Variants in TANC1 observed in about 807,000 individuals in gnomAD.
TANC1 encodes the protein tetratricopeptide repeat, ankyrin repeat and coiled-coil containing 1, also known as protein TANC1.
In TANC1, 77 loss-of-function variants were observed where a neutral mutation model predicts 149.7. The ratio of observed to expected loss-of-function variants is 0.51; its 90% confidence interval spans 0.43 to 0.62. The LOEUF is 0.62. Among genes scored for constraint, TANC1 ranks in the 20% least tolerant of loss-of-function variants. The pLI, the probability that TANC1 is intolerant of heterozygous loss-of-function variation, is 0.00. For synonymous variants in TANC1, 854 were observed against 925.0 expected (o/e 0.92, Z 1.39); for missense variants, 1,985 against 2,321.8 (o/e 0.85, Z 2.98).
At chr2:159,006,101 C>T (rs1326903571) in intron 2 of TANC1, among the ~76,000 whole-genome samples, 2 of 151,834 alleles carry the variant, frequency 1.3e-5, no homozygotes, top group African/African-American at 2.4e-5. Context: ...TCGAGACTGG[C>T]CCTGGCTAAC....
At chr2:159,108,440 G>T (rs201529399) in intron 4 of TANC1, among the ~76,000 whole-genome samples, 1 of 152,196 alleles carries the variant, frequency 6.6e-6, no homozygotes, top group South Asian at 2.1e-4. Context: ...TCAGATGGCG[G>T]CTGGAACAAA....
rs929301397 is a variant in TANC1, at chr2:159,019,675, T to C, written c.-16+18486T>C. ...TCTGTTTTTTTTTTTTTTTTTTTTT[T>C]TTTTTTTTTTTGAGGCAGAGTCTTG... On this transcript the variant is annotated intron_variant, in intron 2 of 26. Transcript: ENST00000263635. 9.7e-5 allele frequency among the ~76,000 whole-genome samples: 9 copies of C among 93,106 alleles called. 1 individual carries two copies. Among genetic ancestry groups the C allele is most frequent in the African/African-American group, 2.5e-4 (7 of 27,718 alleles). 61.1% of individuals were successfully genotyped at this position (93,106 alleles called of 152,430 possible). A position where few individuals can be genotyped will look rare whatever the true frequency, so the allele number is the denominator to read the frequency against.
chr2:159,184,907 C>T (rs537179079), intron 14 of TANC1, among the ~76,000 whole-genome samples: 6 of 152,134 alleles, frequency 3.9e-5, no homozygotes, highest in Non-Finnish European at 5.9e-5. Context: ...ATCTCTAACA[C>T]GGTTTATAAC....
At chr2:159,072,883 C>G (rs2043281963) in intron 3 of TANC1, among the ~76,000 whole-genome samples, 1 of 152,186 alleles carries the variant, frequency 6.6e-6, no homozygotes, top group South Asian at 2.1e-4. Flanking sequence ...CCCAAATATT[C>G]TGGCATCTCC....
At chr2:159,089,034 G>A (rs545077251) in intron 3 of TANC1, among the ~76,000 whole-genome samples, 5 of 152,276 alleles carry the variant, frequency 3.3e-5, no homozygotes, top group African/African-American at 9.6e-5. Flanking sequence ...AATCAGCCAG[G>A]TTTTACTGAT....
intron 3 of TANC1, among the ~76,000 whole-genome samples, chr2:159,087,826 AG>A (rs1294986157): frequency 6.7e-6 from 1 of 150,172 alleles, no homozygotes; most frequent in Non-Finnish European, 1.5e-5. Flanking sequence ...TGCAGATGTC[AG>A]GAAGTTCAGA....
At chr2:159,092,127 A>G (rs1574602687) in intron 3 of TANC1, among the ~76,000 whole-genome samples, 1 of 152,284 alleles carries the variant, frequency 6.6e-6, no homozygotes, top group East Asian at 1.9e-4. Context: ...GGATAAACAG[A>G]ACATCTTTCT....
chr2:159,149,056 C>G (rs1233561932), intron 5 of TANC1, 86 bp from the exon 6 acceptor site: 4 of 1,434,938 alleles, frequency 2.8e-6, no homozygotes, highest in Non-Finnish European at 3.7e-6. Flanking sequence ...AATCACCAGA[C>G]AAAGCAGCTG....
intron 3 of TANC1, among the ~76,000 whole-genome samples, chr2:159,097,395 T>C (rs1369746973): frequency 6.6e-6 from 1 of 152,142 alleles, no homozygotes; most frequent in African/African-American, 2.4e-5. Flanking sequence ...TTGTTAGGGA[T>C]TGAAACCAGA....
At chr2:159,081,203 G>A (rs934753369) in intron 3 of TANC1, among the ~76,000 whole-genome samples, 1 of 152,176 alleles carries the variant, frequency 6.6e-6, no homozygotes, top group African/African-American at 2.4e-5. Flanking sequence ...GAAGAAAATT[G>A]GCTATCTTTA....
At chr2:159,154,992 A>G (rs62171106) in intron 7 of TANC1, among the ~76,000 whole-genome samples, 4,730 of 152,270 alleles carry the variant, frequency 0.031, 100 homozygotes, top group African/African-American at 0.057. Flanking sequence ...CTTGCTTCCA[A>G]CTGTTACAAA....
At chr2:159,192,190 G>A (rs971563814) in intron 16 of TANC1, among the ~76,000 whole-genome samples, 7 of 152,090 alleles carry the variant, frequency 4.6e-5, no homozygotes, top group African/African-American at 1.7e-4. Flanking sequence ...ATTATGCTGC[G>A]GACAATCATG....
chr2:159,126,699 C>T (rs912995941), intron 4 of TANC1, among the ~76,000 whole-genome samples: 1 of 152,188 alleles, frequency 6.6e-6, no homozygotes, highest in Non-Finnish European at 1.5e-5. Flanking sequence ...CAGATTAAGA[C>T]AATTCATTGC....
chr2:159,174,926 G>T, intron 11 of TANC1, 27 bp from the exon 12 acceptor site: 1 of 1,571,608 alleles, frequency 6.4e-7, no homozygotes, highest in South Asian at 1.1e-5. Context: ...AGGGTGAGGT[G>T]ATGCTGACGG....
chr2:159,166,790 G>A (rs911558066), intron 8 of TANC1, among the ~76,000 whole-genome samples: 3 of 152,228 alleles, frequency 2.0e-5, no homozygotes, highest in African/African-American at 7.2e-5. Context: ...ACCTCTATTG[G>A]TGGCTTCGAA....
At chr2:159,190,765 T>A (rs2057380088) in intron 16 of TANC1, among the ~76,000 whole-genome samples, 1 of 152,212 alleles carries the variant, frequency 6.6e-6, no homozygotes, top group South Asian at 2.1e-4. Context: ...TTGGCCAGGC[T>A]GGTCTCAAAC....
chr2:159,000,137 G>T (rs2149321367), intron 1 of TANC1, among the ~76,000 whole-genome samples: 1 of 152,218 alleles, frequency 6.6e-6, no homozygotes. Context: ...GGTTGGGGTA[G>T]GGGGGACCAC....
At chr2:159,149,072 T>C in intron 5 of TANC1, 70 bp from the exon 6 acceptor site, 1 of 1,499,092 alleles carries the variant, frequency 6.7e-7, no homozygotes, top group African/African-American at 1.4e-5. Flanking sequence ...AGCTGTAGTG[T>C]GAACTCATCC....
chr2:159,163,283 C>A lies in TANC1; in HGVS notation c.683C>A (p.Ala228Asp), dbSNP rs1459519913. The A allele has an allele frequency of 9.3e-6, 15 of 1,611,126 alleles. No individual in the cohort carries two copies. The highest frequency in any genetic ancestry group is 1.2e-5 in the Non-Finnish European group (14 of 1,178,058). The part of the protein sequence containing the change: ...TLESKDSGII[A>D]TITSSSENDD... ...AAAGTATTTTGGTCTTTCATTTCAG[C>A]CACAATTACAAGTTCATCCGAAAAT... The change falls in exon 8 of 27, where the codon GCC (alanine) becomes GAC (aspartate). Residue 228 changes from alanine (A) to aspartate (D), a missense_variant and splice_region_variant. Transcript: ENST00000263635.
Sources: gnomAD v4.1 joint callset for allele counts (sites outside exome capture counted in the v4.1 genomes callset) on GRCh38, gnomAD v4.1.1 for gene constraint, MANE v1.5 for transcripts, NCBI Gene and HGNC (gene_info 2026-07-23, HGNC 2026-07-21) for gene names.